Variants in TRIP4 observed in about 807,000 individuals in gnomAD.
The protein encoded by TRIP4 is thyroid hormone receptor interactor 4, also known as activating signal cointegrator 1.
A neutral mutation model predicts 81.8 loss-of-function variants in TRIP4; 54 were observed. That is an observed-to-expected ratio of 0.66 (90% CI 0.53 to 0.83). TRIP4 has a LOEUF of 0.83. Ranked by LOEUF, TRIP4 falls within the 40% of genes least tolerant of loss-of-function variation. The pLI, the probability that TRIP4 is intolerant of heterozygous loss-of-function variation, is 0.00. For missense variants in TRIP4, 662 were observed against 683.6 expected, an observed-to-expected ratio of 0.97 and a Z score of 0.35; for synonymous variants, 270 against 242.8, an observed-to-expected ratio of 1.11 and a Z score of -1.04.
intron 12 of TRIP4, among the ~76,000 whole-genome samples, chr15:64,447,790 C>T (rs1008841877): frequency 6.6e-6 from 1 of 152,196 alleles, no homozygotes; most frequent in South Asian, 2.1e-4. Context: ...TGGCTCATTG[C>T]AGCCTCCACC....
At chr15:64,407,899 G>A (rs891215522) in intron 6 of TRIP4, among the ~76,000 whole-genome samples, 3 of 151,812 alleles carry the variant, frequency 2.0e-5, no homozygotes, top group Non-Finnish European at 2.9e-5. Context: ...AAGTTTGAGA[G>A]CAGCCTGGGC....
At chr15:64,410,085 G>A (rs1891728637) in intron 7 of TRIP4, among the ~76,000 whole-genome samples, 1 of 149,580 alleles carries the variant, frequency 6.7e-6, no homozygotes, top group East Asian at 2.0e-4. Context: ...GAGTGCAGTG[G>A]CCTGATCTTG....
Position 64,395,441 on chromosome 15 carries a change from T to G in TRIP4, c.315T>G (p.Gly105=), listed in dbSNP as rs748566880. Residue 105 remains glycine (G), a synonymous_variant, in exon 3 of 13, where the codon GGT becomes GGG. Transcript: ENST00000261884. ...AATCAGGCGACCATCTAAAGCGGGG[T>G]AGGAAGAAAGGGAGAAACAGACAGG... The part of the protein sequence containing the change: ...GQKSGDHLKR[G]RKKGRNRQEV... 6.2e-6 allele frequency: 10 copies of G among 1,612,354 alleles called. No individual in the cohort carries two copies. The East Asian group carries it at 1.6e-4, about 25-fold the overall frequency.
chr15:64,423,205 A>G (rs1892057818), intron 9 of TRIP4, among the ~76,000 whole-genome samples: 1 of 152,192 alleles, frequency 6.6e-6, no homozygotes. Flanking sequence ...ATGGTGGCTC[A>G]TGCCTGTAAT....
At chr15:64,448,450 A>G (rs1228421647) in intron 12 of TRIP4, among the ~76,000 whole-genome samples, 2 of 152,070 alleles carry the variant, frequency 1.3e-5, no homozygotes, top group African/African-American at 2.4e-5. Flanking sequence ...TAAAAATTGC[A>G]CAGAAACAAT....
chr15:64,406,498 C>T, intron 6 of TRIP4, 39 bp downstream of exon 6: 1 of 1,601,628 alleles, frequency 6.2e-7, no homozygotes, highest in Non-Finnish European at 8.5e-7. Context: ...AAGAAATAAA[C>T]TAGTCCACAG....
At chr15:64,437,040 T>C (rs1596358666) in intron 11 of TRIP4, among the ~76,000 whole-genome samples, 1 of 151,876 alleles carries the variant, frequency 6.6e-6, no homozygotes, top group South Asian at 2.1e-4. Context: ...CACCTTTATA[T>C]CAGTGTGCTA....
chr15:64,451,131 G>C (rs909174268), intron 12 of TRIP4: 4 of 163,352 alleles, frequency 2.4e-5, no homozygotes, highest in African/African-American at 9.8e-5. Flanking sequence ...TTTTTTTTTT[G>C]AGATGGGGTC....
chr15:64,413,971 A>G (rs1891829529), intron 7 of TRIP4, 114 bp from the exon 8 acceptor site: 5 of 1,219,664 alleles, frequency 4.1e-6, no homozygotes, highest in African/African-American at 1.5e-5. Flanking sequence ...GGTCATCCAT[A>G]GACTCCTCTT....
chr15:64,410,836 A>G (rs1055884202), intron 7 of TRIP4, among the ~76,000 whole-genome samples: 2 of 152,196 alleles, frequency 1.3e-5, no homozygotes, highest in African/African-American at 2.4e-5. Flanking sequence ...AACTCTTGCA[A>G]ATTAAAAGAA....
At position 64,387,916 on chromosome 15, in the gene TRIP4, A is replaced by G; in HGVS notation, c.53A>G (p.Gln18Arg). Residue 18 changes from glutamine to arginine, a missense_variant, in exon 1 of 13, where the codon CAG becomes CGG. Gln to Arg is a conservative substitution (Grantham distance 43, BLOSUM62 1). Transcript: ENST00000261884. The part of the protein sequence containing the change: ...SGEPLVHWCT[Q>R]QLRKTFGLDV... ...GAGCCGCTGGTGCACTGGTGCACCC[A>G]GCAGTTGCGGAAGACTTTCGGCCTG... The G allele has an allele frequency of 6.4e-7, 1 of 1,551,080 alleles. No homozygotes were observed.
In TRIP4 at chr15:64,431,847, A is replaced by ATATATATTT; in HGVS notation, c.1575+6217_1575+6218insATATATTTT. ...CCATTTATATTATATATATATATAT[A>ATATATATTT]TTTTTTTTATCCAAAGAGCATTGTG... On this transcript the variant is annotated intron_variant, in intron 11 of 12. Transcript: ENST00000261884. Among the ~76,000 whole-genome samples the ATATATATTT allele has an allele frequency of 3.7e-4, 44 of 119,552 alleles. 1 individual carries two copies. Among genetic ancestry groups the ATATATATTT allele is most frequent in the Middle Eastern group, 4.6e-3 (1 of 218 alleles). The allele number at this position is 119,552 out of a possible 152,430, so 78.4% of individuals were successfully genotyped here. A position where few individuals can be genotyped will look rare whatever the true frequency, so the allele number is the denominator to read the frequency against.
intron 9 of TRIP4, among the ~76,000 whole-genome samples, chr15:64,420,904 T>C (rs1891997447): frequency 6.6e-6 from 1 of 152,192 alleles, no homozygotes; most frequent in Non-Finnish European, 1.5e-5. Flanking sequence ...AAATACCTTA[T>C]ATTTAAATAG....
chr15:64,440,108 C>T (rs1892484391), intron 11 of TRIP4, among the ~76,000 whole-genome samples: 1 of 151,920 alleles, frequency 6.6e-6, no homozygotes, highest in Non-Finnish European at 1.5e-5. Context: ...TTAGACAGGT[C>T]TGGTGGTGTG....
At chr15:64,418,495 A>T (rs370574550) in intron 8 of TRIP4, 46 bp from the exon 9 acceptor site, 1 of 1,526,890 alleles carries the variant, frequency 6.5e-7, no homozygotes, top group African/African-American at 1.4e-5. Flanking sequence ...CCTACCCCAG[A>T]TTCTTGCCTT....
Position 64,426,817 on chromosome 15 carries a change from G to A in TRIP4, c.1575+1186G>A, listed in dbSNP as rs956910627. ...AGATCAAGACTATCCTGGCTAACAC[G>A]GTCAAACCCCATCTCTATAAAAATA... is the stretch of plus-strand genomic sequence containing the variant. On this transcript the variant is annotated intron_variant, in intron 11 of 12. Coordinates refer to ENST00000261884, the MANE Select transcript of TRIP4 (RefSeq NM_016213.5). Among the ~76,000 whole-genome samples the A allele has an allele frequency of 3.3e-5, 5 of 151,614 alleles. No homozygotes were observed. In the South Asian group the frequency reaches 6.2e-4, roughly 19 times the overall value.
At chr15:64,407,369 T>C (rs1237980982) in intron 6 of TRIP4, among the ~76,000 whole-genome samples, 1 of 152,104 alleles carries the variant, frequency 6.6e-6, no homozygotes, top group South Asian at 2.1e-4. Context: ...GAACGTATTA[T>C]TAGAAATAGA....
At chr15:64,401,559 A>T (rs1181773850) in intron 5 of TRIP4, among the ~76,000 whole-genome samples, 5 of 152,146 alleles carry the variant, frequency 3.3e-5, no homozygotes. Flanking sequence ...GATGTGACCC[A>T]CTGTGCCTGG....
rs574583160 is a variant in TRIP4 at position 64,417,399 on chromosome 15, C to T, written c.1171-1142C>T. Among the ~76,000 whole-genome samples the T allele has an allele frequency of 2.0e-3, 300 of 152,220 alleles. 2 individuals carry two copies. The highest frequency in any genetic ancestry group is 3.3e-3 in the Non-Finnish European group (222 of 68,018). On this transcript the variant is annotated intron_variant, in intron 8 of 12. Coordinates refer to ENST00000261884, the MANE Select transcript of TRIP4 (RefSeq NM_016213.5). ...GGGCTCAAGTGATCCTCCTGCCTCA[C>T]CTCCTGAGTAACTAGTGAAGCTACA... is the stretch of plus-strand genomic sequence containing the variant.
Sources: gnomAD v4.1 joint callset for allele counts (sites outside exome capture counted in the v4.1 genomes callset) on GRCh38, gnomAD v4.1.1 for gene constraint, MANE v1.5 for transcripts, NCBI Gene and HGNC (gene_info 2026-07-23, HGNC 2026-07-21) for gene names.